The following ARHGEF4 variants were observed in gnomAD, a reference collection of about 807,000 sequenced individuals.
ARHGEF4 encodes the protein APC-stimulated guanine nucleotide exchange factor 1.
ARHGEF4 carries 119 observed loss-of-function variants against 162.0 expected under a neutral mutation model. The ratio of observed to expected loss-of-function variants is 0.73; its 90% CI spans 0.63 to 0.86. The LOEUF (loss-of-function observed/expected upper bound fraction) is 0.86, where lower values mean the gene tolerates loss of function less well. Among genes scored for constraint, ARHGEF4 ranks in the 40% least tolerant of loss-of-function variants. ARHGEF4 has a pLI of 0.00. For missense variants in ARHGEF4, 2,488 were observed against 2,456.0 expected (o/e 1.01, Z -0.28); for synonymous variants, 1,014 against 979.9 (o/e 1.03, Z -0.65).
chr2:130,840,113 A>G (rs924378353), intron 1 of ARHGEF4, among the ~76,000 whole-genome samples: 32 of 152,126 alleles, frequency 2.1e-4, no homozygotes, highest in South Asian at 4.2e-4. Flanking sequence ...ACACATAGGC[A>G]CACACACACA....
intron 1 of ARHGEF4, among the ~76,000 whole-genome samples, chr2:130,873,435 A>G (rs778027921): frequency 6.6e-6 from 1 of 152,012 alleles, no homozygotes; most frequent in Non-Finnish European, 1.5e-5. Flanking sequence ...CTAAAAATAC[A>G]AAAATTAGCT....
intron 4 of ARHGEF4, among the ~76,000 whole-genome samples, chr2:130,973,963 T>C (rs557048270): frequency 6.6e-6 from 1 of 152,194 alleles, no homozygotes; most frequent in Admixed American, 6.5e-5. Flanking sequence ...GTCATCTGAT[T>C]TAAACACTGA....
intron 4 of ARHGEF4, among the ~76,000 whole-genome samples, chr2:131,027,279 A>G (rs566530185): frequency 6.6e-6 from 1 of 152,378 alleles, no homozygotes; most frequent in African/African-American, 2.4e-5. Flanking sequence ...CAGCCAGAGA[A>G]GAGTGGATTT....
intron 4 of ARHGEF4, among the ~76,000 whole-genome samples, chr2:130,988,872 G>GTATATATATATA (rs58656982): frequency 4.6e-5 from 5 of 108,502 alleles, no homozygotes; most frequent in Non-Finnish European, 7.1e-5. Context: ...GTGTGTGTGT[G>GTATATATATATA]TATATATATA....
intron 1 of ARHGEF4, among the ~76,000 whole-genome samples, chr2:130,884,928 T>C (rs1679420766): frequency 6.6e-6 from 1 of 152,088 alleles, no homozygotes; most frequent in Non-Finnish European, 1.5e-5. Context: ...AGCTTCTTCA[T>C]CAATAAATGA....
intron 4 of ARHGEF4, among the ~76,000 whole-genome samples, chr2:130,968,113 A>G (rs951411098): frequency 7.2e-5 from 11 of 152,196 alleles, no homozygotes; most frequent in African/African-American, 2.4e-4. Flanking sequence ...CCCCCCAACC[A>G]TAAATCACAT....
intron 4 of ARHGEF4, among the ~76,000 whole-genome samples, chr2:130,966,778 CAAAGCAAAGAAATTA>C (rs1395932559): frequency 6.6e-6 from 1 of 152,166 alleles, no homozygotes; most frequent in Non-Finnish European, 1.5e-5. Flanking sequence ...TTCCTATTTG[CAAAGCAAAGAAATTA>C]AAAGCAAAGG....
intron 4 of ARHGEF4, among the ~76,000 whole-genome samples, chr2:130,991,873 G>C (rs572224132): frequency 6.6e-6 from 1 of 152,382 alleles, no homozygotes; most frequent in South Asian, 2.1e-4. Context: ...TGCAGCCCCG[G>C]TGCGGGATCC....
At chr2:130,950,952 C>T (rs917111658) in intron 4 of ARHGEF4, among the ~76,000 whole-genome samples, 1 of 152,220 alleles carries the variant, frequency 6.6e-6, no homozygotes, top group African/African-American at 2.4e-5. Context: ...ATTACTTCTA[C>T]TACCTTGCAC....
At chr2:130,992,333 A>T (rs191933175) in intron 4 of ARHGEF4, among the ~76,000 whole-genome samples, 2 of 151,702 alleles carry the variant, frequency 1.3e-5, no homozygotes, top group East Asian at 3.9e-4. Context: ...CGCTCTTTGC[A>T]ATAAATCTTG....
In ARHGEF4 at chr2:130,917,034, A is replaced by G. The variant is rs1468993338; in HGVS notation, c.3088A>G (p.Ile1030Val). The change falls in exon 2 of 14, where the codon ATC (isoleucine) becomes GTC (valine). Residue 1030 changes from isoleucine to valine, a missense_variant. Ile to Val is a conservative substitution (Grantham distance 29, BLOSUM62 3). Around this residue, in one of 6 missense-constraint regions of ARHGEF4, gnomAD observed 1,642 missense variants for 1,481.5 expected, o/e 1.11. Coordinates refer to ENST00000409359, the MANE Select transcript of ARHGEF4 (RefSeq NM_001367493.1). ...PEHRRKSEPT[I>V]KCTATQEGGR... Reference sequence around the variant, plus strand: ...ACACAGGAGGAAAAGTGAACCGACCATCAAGTGCACAGCCACCCAGGAAGG... The same window carrying G: ...ACACAGGAGGAAAAGTGAACCGACCGTCAAGTGCACAGCCACCCAGGAAGG... 1.9e-6 allele frequency: 3 copies of G among 1,550,802 alleles called. No individual in the cohort carries two copies. The highest frequency in any genetic ancestry group is 1.4e-5 in the African/African-American group (1 of 73,048).
At chr2:130,932,860 A>G (rs1682715338) in intron 3 of ARHGEF4, among the ~76,000 whole-genome samples, 1 of 152,202 alleles carries the variant, frequency 6.6e-6, no homozygotes, top group Admixed American at 6.5e-5. Flanking sequence ...GTAGTTACCC[A>G]AACACCATGT....
chr2:130,949,081 G>A (rs986714126), intron 4 of ARHGEF4, among the ~76,000 whole-genome samples: 1 of 152,126 alleles, frequency 6.6e-6, no homozygotes, highest in African/African-American at 2.4e-5. Context: ...AGTTCTGGGA[G>A]AATTTCTGTT....
intron 4 of ARHGEF4, among the ~76,000 whole-genome samples, chr2:130,967,731 G>A (rs574728321): frequency 4.2e-4 from 64 of 152,298 alleles, no homozygotes; most frequent in African/African-American, 1.5e-3. Context: ...AGACAGTGAT[G>A]CCCCATTATG....
intron 4 of ARHGEF4, among the ~76,000 whole-genome samples, chr2:131,015,350 G>A (rs147933515): frequency 5.9e-5 from 9 of 152,174 alleles, no homozygotes; most frequent in Admixed American, 5.2e-4. Context: ...ACTAAATGTA[G>A]TATTGGATCC....
intron 4 of ARHGEF4, among the ~76,000 whole-genome samples, chr2:130,978,517 C>T (rs949726386): frequency 6.6e-6 from 1 of 152,194 alleles, no homozygotes; most frequent in African/African-American, 2.4e-5. Flanking sequence ...GCTGGAACAT[C>T]TCACAAGACT....
At chr2:130,980,148 G>T (rs563239097) in intron 4 of ARHGEF4, among the ~76,000 whole-genome samples, 1 of 152,290 alleles carries the variant, frequency 6.6e-6, no homozygotes, top group South Asian at 2.1e-4. Flanking sequence ...TGTATCCCCA[G>T]CAATTTGGGA....
intron 4 of ARHGEF4, among the ~76,000 whole-genome samples, chr2:130,976,532 G>A (rs539349910): frequency 1.3e-5 from 2 of 152,280 alleles, no homozygotes; most frequent in South Asian, 4.1e-4. Flanking sequence ...CTGAATTTCG[G>A]TCACTAAAGT....
chr2:130,915,064 C>G lies in ARHGEF4; in HGVS notation c.1118C>G (p.Pro373Arg), dbSNP rs1470808145. 4.3e-5 allele frequency: 66 copies of G among 1,550,580 alleles called. No homozygotes were observed. The East Asian group carries it at 1.6e-3, about 38-fold the overall frequency. ...VKEGAKNERDPRIQNIPSPAP... is the reference protein window; with the variant it reads ...VKEGAKNERDRRIQNIPSPAP... ...GAAGGGGCCAAAAATGAACGAGATC[C>G]AAGAATACAAAACATCCCTTCCCCT... The change falls in exon 2 of 14, where the codon CCA becomes CGA. Residue 373 changes from proline (P) to arginine (R), a missense_variant. Pro to Arg is a moderately radical substitution (Grantham distance 103). Coordinates refer to ENST00000409359, the MANE Select transcript of ARHGEF4 (RefSeq NM_001367493.1).
Sources: gnomAD v4.1 joint callset for allele counts (sites outside exome capture counted in the v4.1 genomes callset) on GRCh38, gnomAD v4.1.1 for gene constraint, gnomAD v4.1.1 regional missense constraint, MANE v1.5 for transcripts, NCBI Gene and HGNC (gene_info 2026-07-23, HGNC 2026-07-21) for gene names.